The following IGSF9B variants were observed in gnomAD, a reference collection of about 807,000 sequenced individuals.
IGSF9B encodes immunoglobulin superfamily member 9B.
IGSF9B carries 48 observed loss-of-function variants against 143.7 expected under a neutral mutation model. The ratio of observed to expected loss-of-function variants is 0.33; its 90% CI spans 0.26 to 0.42. IGSF9B has a LOEUF of 0.42. Ranked by LOEUF, IGSF9B falls within the 20% of genes least tolerant of loss-of-function variation. The pLI, the probability that IGSF9B is intolerant of heterozygous loss-of-function variation, is 1.00. For missense variants in IGSF9B, 1,706 were observed against 1,980.0 expected (o/e 0.86, Z 2.63); for synonymous variants, 903 against 833.1 (o/e 1.08, Z -1.44).
chr11:133,956,502 G>C (rs1940256354), intron 1 of IGSF9B, among the ~76,000 whole-genome samples, 189 bp downstream of exon 1: 1 of 133,530 alleles, frequency 7.5e-6, no homozygotes, highest in African/African-American at 2.9e-5. Flanking sequence ...CCAGCCCACG[G>C]CCCCCAGGCC....
chr11:133,929,624 AG>A (rs1385697706), intron 12 of IGSF9B, 46 bp downstream of exon 12: 1 of 1,370,382 alleles, frequency 7.3e-7, no homozygotes, highest in African/African-American at 1.4e-5. Context: ...CGGGGAGGGG[AG>A]AAGCAGAGAG....
rs1328951230 is a variant in IGSF9B at position 133,935,657 on chromosome 11, C to T, written c.927G>A (p.Leu309=). 22 of 1,610,808 alleles carry T rather than the reference C, an allele frequency of 1.4e-5. No individual in the cohort carries two copies. Among genetic ancestry groups the T allele is most frequent in the Non-Finnish European group, 1.8e-5 (21 of 1,178,814 alleles). Residue 309 remains leucine, a synonymous_variant, in exon 7 of 20, where the codon CTG becomes CTA. Transcript: ENST00000533871. ...ACGCCGAGGCGGAGGGGGAGCGCCC[C>T]AGGCTGTTGCTGGGCACACAGGTGT... ...GKYTCVPSNS[L]GRSPSASAYL...
In IGSF9B at chr11:133,906,739, T is replaced by G. The variant is rs1339687931; in HGVS notation, c.*2330A>C. ...AGGGTGCTCAGAAAAGTAGGCCAAATTCATCCTGAAGGCTGACAGCCTGAT... is the reference window on the plus strand; with the variant it reads ...AGGGTGCTCAGAAAAGTAGGCCAAAGTCATCCTGAAGGCTGACAGCCTGAT... On this transcript the variant is annotated 3_prime_UTR_variant, in exon 20 of 20. Transcript: ENST00000533871. Among the ~76,000 whole-genome samples the G allele has an allele frequency of 6.6e-6, 1 of 152,138 alleles. No individual in the cohort carries two copies. The highest frequency in any genetic ancestry group is 2.4e-5 in the African/African-American group (1 of 41,434).
intron 1 of IGSF9B, among the ~76,000 whole-genome samples, chr11:133,947,792 C>G (rs1331368302): frequency 6.6e-6 from 1 of 151,020 alleles, no homozygotes; most frequent in African/African-American, 2.4e-5. Flanking sequence ...GTGTGTCTGT[C>G]TGTCTGTCTC....
In IGSF9B at chr11:133,927,084, G is replaced by T. The variant is rs923705095; in HGVS notation, c.1639C>A (p.Arg547=). The T allele has an allele frequency of 1.9e-6, 3 of 1,552,496 alleles. No individual in the cohort carries two copies. The highest frequency in any genetic ancestry group is 2.6e-6 in the Non-Finnish European group (3 of 1,146,602). The change falls in exon 13 of 20, where the codon CGG becomes AGG. Residue 547 remains arginine (R), a synonymous_variant. Coordinates refer to ENST00000533871, the MANE Select transcript of IGSF9B (RefSeq NM_001277285.4). ...YEQTFSVWMK[R]AQFGPHDWLS... ...CAGTCATGGGGCCCAAACTGTGCCC[G>T]CTTCATCCTGGCCAAAAGAGAGAGA...
chr11:133,916,522 G>A (rs1251554781), intron 18 of IGSF9B, among the ~76,000 whole-genome samples: 2 of 152,176 alleles, frequency 1.3e-5, no homozygotes, highest in African/African-American at 2.4e-5. Context: ...GGCCAGCACC[G>A]AGGGGCTGAC....
chr11:133,908,846 C>T lies in IGSF9B; in HGVS notation c.*223G>A. On this transcript the variant is annotated 3_prime_UTR_variant, in exon 20 of 20. Transcript: ENST00000533871. ...GACAGGTGTTGCCCAGTCTCCAATC[C>T]ACTTCCTGACCTCGACCCACAGGTG... 1.9e-6 allele frequency: 1 copy of T among 538,030 alleles called. No homozygotes were observed. Among genetic ancestry groups the T allele is most frequent in the Non-Finnish European group, 3.3e-6 (1 of 302,068 alleles). 33.3% of individuals were successfully genotyped at this position (538,030 alleles called of 1,614,324 possible). A position where few individuals can be genotyped will look rare whatever the true frequency, so the allele number is the denominator to read the frequency against.
chr11:133,921,699 G>A (rs918168743), intron 17 of IGSF9B, among the ~76,000 whole-genome samples: 9 of 151,980 alleles, frequency 5.9e-5, no homozygotes, highest in East Asian at 5.8e-4. Context: ...CGCCGCGCCC[G>A]GCCCCCCCCA....
At position 133,937,934 on chromosome 11, in the gene IGSF9B, G is replaced by C; in HGVS notation, c.437C>G (p.Pro146Arg). ...NAPPTFTETP[P>R]QYIEAKEGGS... is the part of the protein sequence containing the mutation. ...ACCCTCCTTGGCCTCGATGTACTGGGGGGGTGTTTCTGTAAAGGTGGGAGG... is the reference window on the plus strand; with the variant it reads ...ACCCTCCTTGGCCTCGATGTACTGGCGGGGTGTTTCTGTAAAGGTGGGAGG... The change falls in exon 4 of 20, where the codon CCC (proline) becomes CGC (arginine). Residue 146 changes from proline (P) to arginine (R), a missense_variant. Around this residue, in one of 7 missense-constraint regions of IGSF9B, gnomAD observed 171 missense variants for 213.9 expected, o/e 0.80. Transcript: ENST00000533871. 2 of 1,613,526 alleles carry C rather than the reference G, an allele frequency of 1.2e-6. No homozygotes were observed. Among genetic ancestry groups the C allele is most frequent in the Non-Finnish European group, 8.5e-7 (1 of 1,179,764 alleles).
intron 3 of IGSF9B, among the ~76,000 whole-genome samples, chr11:133,939,798 G>A (rs549595657): frequency 1.6e-4 from 24 of 151,722 alleles, no homozygotes; most frequent in East Asian, 3.9e-4. Flanking sequence ...CCTCGCACGC[G>A]TCATCGCATG....
In IGSF9B at chr11:133,902,958, C is replaced by A. The variant is rs908789246; in HGVS notation, c.*6111G>T. Among the ~76,000 whole-genome samples, 1 of 152,112 alleles carries A rather than the reference C, an allele frequency of 6.6e-6. No individual in the cohort carries two copies. Among genetic ancestry groups the A allele is most frequent in the Admixed American group, 6.6e-5 (1 of 15,266 alleles). On this transcript the variant is annotated 3_prime_UTR_variant, in exon 20 of 20. Transcript: ENST00000533871. Reference sequence around the variant, plus strand: ...CCATGGCTTATATGAAAACCCCACACGTGCATGCCCGCAGCATTTCTAAGG... The same window carrying A: ...CCATGGCTTATATGAAAACCCCACAAGTGCATGCCCGCAGCATTTCTAAGG...
In IGSF9B at chr11:133,902,185, A is replaced by G. The variant is rs530487208; in HGVS notation, c.*6884T>C. On this transcript the variant is annotated 3_prime_UTR_variant, in exon 20 of 20. Transcript: ENST00000533871. ...ACACACACCAAACACACACACACCA[A>G]ACACACCAGACACACCACAAGCATA... 1.7e-4 allele frequency among the ~76,000 whole-genome samples: 24 copies of G among 142,258 alleles called. No individual in the cohort carries two copies. The highest frequency in any genetic ancestry group is 2.1e-4 in the Non-Finnish European group (14 of 65,672). The allele number at this position is 142,258 out of a possible 152,430, so 93.3% of individuals were successfully genotyped here.
At position 133,908,632 on chromosome 11, in the gene IGSF9B, GCATCTGTATCTATAT is replaced by G. The variant is rs922817163; in HGVS notation, c.*422_*436del. On this transcript the variant is annotated 3_prime_UTR_variant, in exon 20 of 20. Coordinates refer to ENST00000533871, the MANE Select transcript of IGSF9B (RefSeq NM_001277285.4). Reference sequence around the variant, plus strand: ...AGAAACCCACACACTACAGACATATGCATCTGTATCTATATCTATATATATGTGGGGTGTGGAAGA... The same window carrying G: ...AGAAACCCACACACTACAGACATATGCTATATATATGTGGGGTGTGGAAGA... 1.2e-5 allele frequency: 2 copies of G among 162,972 alleles called. No individual in the cohort carries two copies. Among genetic ancestry groups the G allele is most frequent in the African/African-American group, 2.4e-5 (1 of 41,512 alleles). The allele number at this position is 162,972 out of a possible 1,614,324, so 10.1% of individuals were successfully genotyped here.
Position 133,956,599 on chromosome 11 carries a change from G to C in IGSF9B, c.64+92C>G, listed in dbSNP as rs570193126. The C allele has an allele frequency of 1.2e-4, 106 of 850,800 alleles. No individual in the cohort carries two copies. The African/African-American group carries it at 1.4e-3, about 11-fold the overall frequency. The allele number at this position is 850,800 out of a possible 1,614,324, so 52.7% of individuals were successfully genotyped here. ...AGGCGCGCCGGGGAGCTGGGGAACCGGGGGGCCAAGGAGCCGGGAAACCGA... is the reference window on the plus strand; with the variant it reads ...AGGCGCGCCGGGGAGCTGGGGAACCCGGGGGCCAAGGAGCCGGGAAACCGA... On this transcript the variant is annotated intron_variant, in intron 1 of 19. Transcript: ENST00000533871.
chr11:133,927,728 C>G (rs1939653438), intron 12 of IGSF9B, among the ~76,000 whole-genome samples: 1 of 152,188 alleles, frequency 6.6e-6, no homozygotes, highest in Non-Finnish European at 1.5e-5. Context: ...GTTCCACAGG[C>G]TCCCAACTCC....
At chr11:133,941,666 T>G (rs1401724603) in intron 3 of IGSF9B, among the ~76,000 whole-genome samples, 1 of 152,134 alleles carries the variant, frequency 6.6e-6, no homozygotes, top group Non-Finnish European at 1.5e-5. Context: ...TGGAAAAGCG[T>G]CTTTTATTAT....
Position 133,948,064 on chromosome 11 carries a change from T to C in IGSF9B, c.65-1806A>G, listed in dbSNP as rs932671338. Among the ~76,000 whole-genome samples, 32 of 51,502 alleles carry C rather than the reference T, an allele frequency of 6.2e-4. No homozygotes were observed. Among genetic ancestry groups the C allele is most frequent in the Admixed American group, 1.4e-3 (7 of 5,000 alleles). The allele number at this position is 51,502 out of a possible 152,430, so 33.8% of individuals were successfully genotyped here. ...GTCTACCAGCATGTGTGCGTGTGTG[T>C]GTGTGTGTGTGTGTGTGTGTGTGTG... On this transcript the variant is annotated intron_variant, in intron 1 of 19. Transcript: ENST00000533871. The surrounding 1 kb of genome is among the most constrained non-coding windows in gnomAD (Gnocchi z 4.7).
chr11:133,954,654 A>G (rs1940218966), intron 1 of IGSF9B, among the ~76,000 whole-genome samples: 1 of 152,246 alleles, frequency 6.6e-6, no homozygotes, highest in African/African-American at 2.4e-5. Context: ...AGCAAGTGAC[A>G]TTTAGAGAGG....
intron 18 of IGSF9B, among the ~76,000 whole-genome samples, chr11:133,912,953 G>A (rs1591707689): frequency 6.6e-6 from 1 of 152,352 alleles, no homozygotes; most frequent in South Asian, 2.1e-4. Flanking sequence ...AGGAGGGGCA[G>A]TCTGTGACAC....
Sources: gnomAD v4.1 joint callset for allele counts (sites outside exome capture counted in the v4.1 genomes callset) on GRCh38, gnomAD v4.1.1 for gene constraint, gnomAD v4.1.1 regional missense constraint, Gnocchi (gnomAD v3.1) non-coding constraint, MANE v1.5 for transcripts, NCBI Gene and HGNC (gene_info 2026-07-23, HGNC 2026-07-21) for gene names.